Variants in DNAH8 observed in about 807,000 individuals in gnomAD.
DNAH8 encodes dynein axonemal heavy chain 8.
In DNAH8, 382 loss-of-function variants were observed where a neutral mutation model predicts 562.1. That is an observed-to-expected ratio of 0.68 (90% CI 0.63 to 0.74). The LOEUF is 0.74. Ranked by LOEUF, DNAH8 falls within the 30% of genes least tolerant of loss-of-function variation. The pLI, the probability that DNAH8 is intolerant of heterozygous loss-of-function variation, is 0.00. For missense variants in DNAH8, 5,203 were observed against 5,620.4 expected (o/e 0.93, Z 2.37); for synonymous variants, 1,881 against 1,919.4 (o/e 0.98, Z 0.52).
chr6:38,969,678 G>C (rs1763203036), intron 82 of DNAH8, among the ~76,000 whole-genome samples: 1 of 146,598 alleles, frequency 6.8e-6, no homozygotes, highest in African/African-American at 2.5e-5. Context: ...TGAATGGATA[G>C]GGGGGTGGTG....
chr6:38,900,246 T>C (rs1178875063), intron 62 of DNAH8, among the ~76,000 whole-genome samples: 2 of 152,218 alleles, frequency 1.3e-5, no homozygotes, highest in Non-Finnish European at 2.9e-5. Flanking sequence ...GGATTTGCTC[T>C]TTGCATCCTA....
rs1583215242 is a variant in DNAH8, at chr6:38,864,356, G to C, written c.6498+296G>C. 2.6e-5 allele frequency among the ~76,000 whole-genome samples: 4 copies of C among 152,186 alleles called. No individual in the cohort carries two copies. In the East Asian group the frequency reaches 5.8e-4, roughly 22 times the overall value. ...GTAAGGTGCAGGCTAAATGTTCTAT[G>C]TGCTATATCAGATGGCATAACTCAT... is the stretch of plus-strand genomic sequence containing the variant. On this transcript the variant is annotated intron_variant, in intron 45 of 92. Coordinates refer to ENST00000327475, the MANE Select transcript of DNAH8 (RefSeq NM_001206927.2).
intron 89 of DNAH8, among the ~76,000 whole-genome samples, chr6:39,010,895 G>T (rs1267618734): frequency 6.6e-6 from 1 of 151,860 alleles, no homozygotes; most frequent in African/African-American, 2.4e-5. Flanking sequence ...AGCCACTGGA[G>T]GTTGAAGGAC....
At chr6:38,815,757 T>A (rs1324209138) in intron 26 of DNAH8, 100 bp downstream of exon 26, 6 of 1,109,330 alleles carry the variant, frequency 5.4e-6, no homozygotes, top group Non-Finnish European at 7.5e-6. Flanking sequence ...CTTTTGCATT[T>A]AAAAAATAGT....
In DNAH8 at chr6:38,872,838, A is replaced by AT. The variant is rs1777576862; in HGVS notation, c.7238-61dup. On this transcript the variant is annotated intron_variant, in intron 50 of 92. Transcript: ENST00000327475. The stretch of plus-strand genomic sequence containing the variant: ...TTCCCTGCTAGCGTATTAACACAGT[A>AT]TTTTTTTGATTTTTCCATTTTAATT... The AT allele has an allele frequency of 1.4e-5, 22 of 1,606,992 alleles. 1 individual carries two copies. Among genetic ancestry groups the AT allele is most frequent in the Middle Eastern group, 3.3e-4 (2 of 6,014 alleles).
rs145380899 is a variant in DNAH8, at chr6:38,786,889, A to G, written c.2520A>G (p.Pro840=). The change falls in exon 18 of 93, where the codon CCA becomes CCG. Residue 840 remains proline (P), a synonymous_variant. Coordinates refer to ENST00000327475, the MANE Select transcript of DNAH8 (RefSeq NM_001206927.2). ...TGATAAAAATGAAGTTGGATGTACC[A>G]GAACAGGCAAAGAGATTGCTAAAAT... ...KCMIKMKLDV[P]EQAKRLLKLE... is the part of the protein sequence containing the mutation. 3.7e-6 allele frequency: 6 copies of G among 1,613,454 alleles called. No homozygotes were observed. The African/African-American group carries it at 6.7e-5, about 18-fold the overall frequency.
intron 29 of DNAH8, among the ~76,000 whole-genome samples, chr6:38,827,902 C>T (rs1263547398): frequency 4.0e-5 from 6 of 151,546 alleles, no homozygotes; most frequent in East Asian, 1.9e-4. Context: ...CTGTATCTTA[C>T]GTGGTGTTGA....
intron 10 of DNAH8, among the ~76,000 whole-genome samples, chr6:38,759,830 T>C (rs1449916152): frequency 6.6e-6 from 1 of 152,118 alleles, no homozygotes; most frequent in Non-Finnish European, 1.5e-5. Flanking sequence ...TTCCTCTTAA[T>C]AATTTTCCAC....
chr6:38,935,723 A>G (rs750068895), intron 77 of DNAH8, 26 bp downstream of exon 77: 12 of 1,496,652 alleles, frequency 8.0e-6, no homozygotes, highest in Admixed American at 1.8e-5. Context: ...GAAGTAATGA[A>G]ATAACGGATT....
chr6:38,935,603 T>C lies in DNAH8; in HGVS notation c.11469T>C (p.Ala3823=). ...VILTEKQELE[A]ERVKLLEDVT... ...TTTTTTAATGACAGGAGTTAGAGGC[T>C]GAGAGGGTTAAACTTTTGGAGGATG... is the stretch of plus-strand genomic sequence containing the variant. Residue 3823 remains alanine, a synonymous_variant, in exon 77 of 93, where the codon GCT becomes GCC. Coordinates refer to ENST00000327475, the MANE Select transcript of DNAH8 (RefSeq NM_001206927.2). 6.2e-7 allele frequency: 1 copy of C among 1,612,344 alleles called. No individual in the cohort carries two copies. The highest frequency in any genetic ancestry group is 2.2e-5 in the East Asian group (1 of 44,752).
At chr6:38,734,283 C>CAAA (rs55678363) in intron 4 of DNAH8, among the ~76,000 whole-genome samples, 191 bp from the exon 5 acceptor site, 4 of 121,650 alleles carry the variant, frequency 3.3e-5, no homozygotes, top group African/African-American at 3.3e-5. Flanking sequence ...GACTCTGTCT[C>CAAA]AAAAAAAAAA....
At chr6:39,002,735 A>G (rs937531259) in intron 88 of DNAH8, among the ~76,000 whole-genome samples, 2 of 152,354 alleles carry the variant, frequency 1.3e-5, no homozygotes, top group African/African-American at 4.8e-5. Context: ...TTCATTAAAA[A>G]TCAGGTTTTA....
chr6:39,020,059 A>G (rs1475624020), intron 91 of DNAH8, among the ~76,000 whole-genome samples: 1 of 152,226 alleles, frequency 6.6e-6, no homozygotes, highest in Admixed American at 6.5e-5. Context: ...TTAAAGGGAA[A>G]GGAAGCATAA....
intron 62 of DNAH8, among the ~76,000 whole-genome samples, chr6:38,903,182 T>C (rs1316414470): frequency 6.6e-6 from 1 of 152,168 alleles, no homozygotes; most frequent in East Asian, 1.9e-4. Context: ...TGCATTGCTA[T>C]GAATACCTGA....
At chr6:38,988,093 G>A (rs200531237) in intron 87 of DNAH8, among the ~76,000 whole-genome samples, 3 of 152,120 alleles carry the variant, frequency 2.0e-5, no homozygotes, top group East Asian at 1.9e-4. Flanking sequence ...GTAAACTCAC[G>A]CCTGCACATG....
rs772072394 is a variant in DNAH8 at position 38,921,401 on chromosome 6, A to G, written c.10557A>G (p.Ala3519=). 2 of 1,613,776 alleles carry G rather than the reference A, an allele frequency of 1.2e-6. No individual in the cohort carries two copies. Among genetic ancestry groups the G allele is most frequent in the Admixed American group, 3.3e-5 (2 of 59,986 alleles). The stretch of plus-strand genomic sequence containing the variant: ...TGGCCAAGCAGGAAGGCCGGTTAGC[A>G]GTTGCTAATGCTGAGTTAGGGAAGG... ...ANLAKQEGRL[A]VANAELGKAQ... Residue 3519 remains alanine (A), a synonymous_variant, in exon 71 of 93, where the codon GCA becomes GCG. Transcript: ENST00000327475.
intron 47 of DNAH8, 141 bp downstream of exon 47, chr6:38,867,017 T>A (rs905131800): frequency 8.5e-6 from 5 of 589,112 alleles, no homozygotes; most frequent in Non-Finnish European, 1.5e-5. Flanking sequence ...TTTTACCTAT[T>A]GGTTGTGTAT....
chr6:38,796,635 A>C (rs888729564), intron 21 of DNAH8, among the ~76,000 whole-genome samples: 1 of 152,100 alleles, frequency 6.6e-6, no homozygotes. Context: ...GCATTGTGAA[A>C]ATCCCTGTCC....
At chr6:38,808,938 CA>C (rs996991068) in intron 24 of DNAH8, among the ~76,000 whole-genome samples, 4 of 151,970 alleles carry the variant, frequency 2.6e-5, no homozygotes, top group Non-Finnish European at 4.4e-5. Context: ...CAGGGCCTGT[CA>C]GGGGGTGTGG....
Sources: allele counts gnomAD v4.1 joint callset (sites outside exome capture counted in the v4.1 genomes callset), GRCh38; gene constraint gnomAD v4.1.1; transcripts MANE v1.5; gene names NCBI Gene and HGNC (gene_info 2026-07-23, HGNC 2026-07-21).